The following TERB1 variants were observed in gnomAD, a reference collection of about 807,000 sequenced individuals.
The protein encoded by TERB1 is telomere repeat binding bouquet formation protein 1.
TERB1 carries 63 observed loss-of-function variants against 92.3 expected under a neutral mutation model. That is an observed-to-expected ratio of 0.68 (90% CI 0.56 to 0.84). The LOEUF (loss-of-function observed/expected upper bound fraction) is 0.84, where lower values mean the gene tolerates loss of function less well. Ranked by LOEUF, TERB1 falls within the 40% of genes least tolerant of loss-of-function variation. The probability of loss-of-function intolerance (pLI) is 0.00; values close to 1 mark genes in which losing one functional copy is unlikely to be tolerated. For synonymous variants in TERB1, 252 were observed against 283.9 expected (o/e 0.89, Z 1.13); for missense variants, 709 against 843.7 (o/e 0.84, Z 1.98).
At chr16:66,771,743 A>G (rs889008627) in intron 13 of TERB1, among the ~76,000 whole-genome samples, 2 of 152,294 alleles carry the variant, frequency 1.3e-5, no homozygotes, top group South Asian at 2.1e-4. Context: ...TATAACTTAC[A>G]TGTCCATCAA....
intron 13 of TERB1, 95 bp downstream of exon 13, chr16:66,772,494 C>T: frequency 8.3e-7 from 1 of 1,205,454 alleles, no homozygotes; most frequent in South Asian, 1.5e-5. Flanking sequence ...AAAAAATTAA[C>T]AAAAAATTTA....
rs1311214791 is a variant in TERB1, at chr16:66,778,847, AAG to A, written c.853+14_853+15del. On this transcript the variant is annotated intron_variant, in intron 10 of 18. Transcript: ENST00000433154. ...AAAATTCAATTTCAAAAAAACTAGT[AAG>A]CACTGTCACTCACGATTATCAGCAA... 5 of 1,469,336 alleles carry A rather than the reference AAG, an allele frequency of 3.4e-6. No homozygotes were observed. The highest frequency in any genetic ancestry group is 3.6e-6 in the Non-Finnish European group (4 of 1,097,052). 91.0% of individuals were successfully genotyped at this position (1,469,336 alleles called of 1,614,324 possible).
At chr16:66,762,169 T>C (rs1187631676) in intron 16 of TERB1, among the ~76,000 whole-genome samples, 1 of 152,238 alleles carries the variant, frequency 6.6e-6, no homozygotes, top group Admixed American at 6.5e-5. Flanking sequence ...TTTAACATTT[T>C]ATTATGTAAA....
In TERB1 at chr16:66,754,731, G is replaced by A. The variant is rs1221820794; in HGVS notation, c.*245C>T. ...CCTTTAAGCTTAAGGAAAAATAAAA[G>A]CATATTCCTAAACAAATGTTTGATC... On this transcript the variant is annotated 3_prime_UTR_variant, in exon 19 of 19. Coordinates refer to ENST00000433154, the MANE Select transcript of TERB1 (RefSeq NM_001136505.2). The A allele has an allele frequency of 2.3e-6, 1 of 439,086 alleles. No homozygotes were observed. The highest frequency in any genetic ancestry group is 4.0e-6 in the Non-Finnish European group (1 of 250,788). The allele number at this position is 439,086 out of a possible 1,614,324, so 27.2% of individuals were successfully genotyped here.
intron 11 of TERB1, 79 bp downstream of exon 11, chr16:66,777,124 A>C (rs539057416): frequency 2.1e-4 from 284 of 1,344,122 alleles, no homozygotes; most frequent in Non-Finnish European, 2.7e-4. Context: ...ACCTTCACAT[A>C]ACTGGAAGAA....
chr16:66,782,637 AAC>A (rs1194126330), intron 9 of TERB1, among the ~76,000 whole-genome samples: 1 of 152,112 alleles, frequency 6.6e-6, no homozygotes, highest in Admixed American at 6.5e-5. Flanking sequence ...AAAATCAGGC[AAC>A]ACAGTCCTAC....
intron 9 of TERB1, 65 bp downstream of exon 9, chr16:66,785,721 A>G: frequency 7.1e-7 from 1 of 1,403,436 alleles, no homozygotes; most frequent in Non-Finnish European, 9.5e-7. Flanking sequence ...AATAAATTCA[A>G]TCGTTTTTAT....
rs1271099093 is a variant in TERB1 at position 66,759,177 on chromosome 16, T to C, written c.1894A>G (p.Lys632Glu). ...ATAAGTGATTTCCTTAGTTCACTTT[T>C]ATATCTGTCTTCAGCTTCCACAATG... ...KVIVEAEDRYKSELRKSLICN... is the reference protein window; with the variant it reads ...KVIVEAEDRYESELRKSLICN... The change falls in exon 17 of 19, where the codon AAA becomes GAA. Residue 632 changes from lysine to glutamate, a missense_variant. Coordinates refer to ENST00000433154, the MANE Select transcript of TERB1 (RefSeq NM_001136505.2). 1.9e-6 allele frequency: 3 copies of C among 1,549,490 alleles called. No individual in the cohort carries two copies. Among genetic ancestry groups the C allele is most frequent in the Non-Finnish European group, 1.7e-6 (2 of 1,146,408 alleles).
Position 66,788,222 on chromosome 16 carries a change from A to G in TERB1, c.347T>C (p.Ile116Thr). ...ATAAACAGACATTCTTTTCAAATTTATGTTTGAATCATTAGATAAGAACCA... is the reference window on the plus strand; with the variant it reads ...ATAAACAGACATTCTTTTCAAATTTGTGTTTGAATCATTAGATAAGAACCA... ...LTWFLSNDSN[I>T]NLKRMSVYVI... Residue 116 changes from isoleucine to threonine, a missense_variant, in exon 6 of 19, where the codon ATA becomes ACA. Physicochemically the swap from Ile to Thr is moderately conservative, Grantham distance 89 (BLOSUM62 -1). Coordinates refer to ENST00000433154, the MANE Select transcript of TERB1 (RefSeq NM_001136505.2). The G allele has an allele frequency of 1.3e-6, 2 of 1,513,334 alleles. No homozygotes were observed. Among genetic ancestry groups the G allele is most frequent in the Non-Finnish European group, 1.8e-6 (2 of 1,129,200 alleles). The allele number at this position is 1,513,334 out of a possible 1,614,324, so 93.7% of individuals were successfully genotyped here. A position where few individuals can be genotyped will look rare whatever the true frequency, so the allele number is the denominator to read the frequency against.
At chr16:66,780,051 G>A (rs2018611355) in intron 9 of TERB1, among the ~76,000 whole-genome samples, 1 of 152,142 alleles carries the variant, frequency 6.6e-6, no homozygotes. Context: ...ATTTTTGGTA[G>A]AGACAGGGTT....
intron 12 of TERB1, 33 bp downstream of exon 12, chr16:66,775,085 G>T: frequency 6.5e-7 from 1 of 1,545,250 alleles, no homozygotes. Context: ...ATAAACTTTG[G>T]TTGGTATGTT....
intron 2 of TERB1, among the ~76,000 whole-genome samples, chr16:66,798,536 C>T (rs572154505): frequency 3.9e-5 from 6 of 152,188 alleles, no homozygotes; most frequent in South Asian, 2.1e-4. Flanking sequence ...TATAAGTCCA[C>T]AGGATTGGAT....
At chr16:66,759,455 G>C (rs1055481570) in intron 16 of TERB1, among the ~76,000 whole-genome samples, 165 bp from the exon 17 acceptor site, 3 of 152,114 alleles carry the variant, frequency 2.0e-5, no homozygotes, top group Non-Finnish European at 4.4e-5. Context: ...AAATACAACA[G>C]AGTGAAATAA....
At chr16:66,789,863 C>G (rs1254314226) in intron 5 of TERB1, among the ~76,000 whole-genome samples, 1 of 151,902 alleles carries the variant, frequency 6.6e-6, no homozygotes, top group Non-Finnish European at 1.5e-5. Flanking sequence ...GTGCACACTA[C>G]CATGCCTGGC....
At chr16:66,771,352 C>T (rs949700637) in intron 13 of TERB1, among the ~76,000 whole-genome samples, 24 of 152,162 alleles carry the variant, frequency 1.6e-4, no homozygotes, top group African/African-American at 4.8e-4. Flanking sequence ...TAAGTTGATA[C>T]ATCTTCTGTG....
chr16:66,774,786 A>G (rs2018517058), intron 12 of TERB1, among the ~76,000 whole-genome samples: 1 of 150,544 alleles, frequency 6.6e-6, no homozygotes, highest in African/African-American at 2.4e-5. Context: ...GCAACTCCTG[A>G]GCTCAGATGA....
intron 16 of TERB1, among the ~76,000 whole-genome samples, chr16:66,765,614 T>C (rs1161564424): frequency 1.1e-4 from 17 of 151,478 alleles, no homozygotes; most frequent in Non-Finnish European, 1.5e-5. Flanking sequence ...CATGCTGCCA[T>C]GCCCAGCTAA....
chr16:66,785,885 A>C lies in TERB1; in HGVS notation c.601T>G (p.Ser201Ala). ...QNDENQMFCC[S>A]LFPHANEWLK... ...CATTCATTAGCATGTGGAAAAAGGG[A>C]ACAGCAAAACATTTGATTCTCATCT... Residue 201 changes from serine to alanine, a missense_variant, in exon 9 of 19, where the codon TCC becomes GCC. Physicochemically the swap from Ser to Ala is moderately conservative, Grantham distance 99. Transcript: ENST00000433154. 1 of 1,546,436 alleles carries C rather than the reference A, an allele frequency of 6.5e-7. No homozygotes were observed.
At position 66,790,714 on chromosome 16, in the gene TERB1, C is replaced by G; in HGVS notation, c.152G>C (p.Ser51Thr). 5 of 1,550,730 alleles carry G rather than the reference C, an allele frequency of 3.2e-6. No homozygotes were observed. Among genetic ancestry groups the G allele is most frequent in the Non-Finnish European group, 4.4e-6 (5 of 1,146,586 alleles). ...ACCACCAATTTCCCGAAAATAAACA[C>G]TTGCATTACCTGTAGGATGTGCAGA... ...HSICQQNSNA[S>T]VYFREIGGLM... The change falls in exon 5 of 19, where the codon AGT (serine) becomes ACT (threonine). Residue 51 changes from serine to threonine, a missense_variant. Ser to Thr is a moderately conservative substitution (Grantham distance 58). Coordinates refer to ENST00000433154, the MANE Select transcript of TERB1 (RefSeq NM_001136505.2).
Sources: gnomAD v4.1 joint callset for allele counts (sites outside exome capture counted in the v4.1 genomes callset) on GRCh38, gnomAD v4.1.1 for gene constraint, MANE v1.5 for transcripts, NCBI Gene and HGNC (gene_info 2026-07-23, HGNC 2026-07-21) for gene names.